SLC3A2: variants seen among roughly 807,000 people sequenced by gnomAD.
The protein encoded by SLC3A2 is solute carrier family 3 member 2.
Under a neutral mutation model 48.5 loss-of-function variants are expected in SLC3A2, and 32 were observed. The ratio of observed to expected loss-of-function variants is 0.66; its 90% CI spans 0.50 to 0.89. The LOEUF (loss-of-function observed/expected upper bound fraction) is 0.89. SLC3A2 is among the 40% of genes least tolerant of loss of function. SLC3A2 has a pLI of 0.00. For synonymous variants in SLC3A2, 277 were observed against 288.8 expected, an observed-to-expected ratio of 0.96 and a Z score of 0.41; for missense variants, 587 against 680.7, an observed-to-expected ratio of 0.86 and a Z score of 1.53.
Position 62,885,620 on chromosome 11 carries a change from T to A in SLC3A2, c.1143+12T>A. On this transcript the variant is annotated intron_variant, in intron 7 of 8. Coordinates refer to ENST00000338663, the MANE Select transcript of SLC3A2 (RefSeq NM_001013251.3). ...CCCTTCCTGGACAGGTACTGCTTGC[T>A]GTCTTTCTGTCACAGGGAGGTTGTT... The A allele has an allele frequency of 5.0e-6, 8 of 1,613,848 alleles. No homozygotes were observed. The highest frequency in any genetic ancestry group is 6.8e-6 in the Non-Finnish European group (8 of 1,179,806).
chr11:62,873,187 T>C (rs2085535039), intron 1 of SLC3A2, among the ~76,000 whole-genome samples: 1 of 151,858 alleles, frequency 6.6e-6, no homozygotes, highest in Non-Finnish European at 1.5e-5. Context: ...CACACTCAGC[T>C]AATTTAAAAA....
intron 7 of SLC3A2, among the ~76,000 whole-genome samples, chr11:62,887,019 C>T (rs1032866189): frequency 6.6e-6 from 1 of 151,950 alleles, no homozygotes; most frequent in Non-Finnish European, 1.5e-5. Flanking sequence ...ATTACAGGTG[C>T]GAGCCACTGC....
chr11:62,864,306 G>GT (rs2085429931), intron 1 of SLC3A2, among the ~76,000 whole-genome samples: 1 of 125,804 alleles, frequency 7.9e-6, no homozygotes, highest in African/African-American at 2.6e-5. Context: ...TTAAATACTT[G>GT]GTTTTTTTTT....
In SLC3A2 at chr11:62,882,076, C is replaced by T. The variant is rs777557197; in HGVS notation, c.598+10C>T. The T allele has an allele frequency of 2.5e-6, 4 of 1,613,980 alleles. No individual in the cohort carries two copies. The East Asian group carries it at 6.7e-5, about 27-fold the overall frequency. On this transcript the variant is annotated intron_variant, in intron 2 of 8. Coordinates refer to ENST00000338663, the MANE Select transcript of SLC3A2 (RefSeq NM_001013251.3). ...TCGGCTAAAAAAAAGAGTGGGTATCCTGGGGTTCCCAAGGAAACAGCTAGA... is the reference window on the plus strand; with the variant it reads ...TCGGCTAAAAAAAAGAGTGGGTATCTTGGGGTTCCCAAGGAAACAGCTAGA...
intron 1 of SLC3A2, among the ~76,000 whole-genome samples, chr11:62,860,936 G>A (rs954424551): frequency 6.6e-6 from 1 of 152,276 alleles, no homozygotes; most frequent in Admixed American, 6.5e-5. Flanking sequence ...ATGTTTCTGC[G>A]AGCACAGGGT....
chr11:62,873,412 C>G lies in SLC3A2; in HGVS notation c.113-7607C>G, dbSNP rs563047449. On this transcript the variant is annotated intron_variant, in intron 1 of 9. Transcript: ENST00000377889. ...GCTGAGGCAGGAGAATCACTTGAAC[C>G]TGGGAGGCAGAGGTTGCAGTGAGCC... Among the ~76,000 whole-genome samples the G allele has an allele frequency of 2.3e-4, 35 of 151,514 alleles. No individual in the cohort carries two copies. In the East Asian group the frequency reaches 6.9e-3, roughly 30 times the overall value.
In SLC3A2 at chr11:62,885,267, C is replaced by A; in HGVS notation, c.909C>A (p.Tyr303Ter). 1 of 1,614,196 alleles carries A rather than the reference C, an allele frequency of 6.2e-7. No individual in the cohort carries two copies. The highest frequency in any genetic ancestry group is 8.5e-7 in the Non-Finnish European group (1 of 1,180,028). ...SNKDLLLTSS[Y>*]LSDSGSTGEH... The stretch of plus-strand genomic sequence containing the variant: ...AAGACTTGCTGTTGACTAGCTCATA[C>A]CTGTCTGATTCTGGTTCTACTGGGG... The change falls in exon 6 of 9, where the codon TAC becomes TAA. Residue 303 changes from tyrosine (Y) to a stop codon, truncating the protein, a stop_gained. Transcript: ENST00000338663. LOFTEE classifies it high-confidence loss of function.
At chr11:62,868,586 T>G (rs920039120) in intron 1 of SLC3A2, among the ~76,000 whole-genome samples, 3 of 149,820 alleles carry the variant, frequency 2.0e-5, no homozygotes, top group African/African-American at 7.4e-5. Context: ...AGGATGGTGT[T>G]GATCTCCTCA....
chr11:62,881,909 C>G lies in SLC3A2; in HGVS notation c.441C>G (p.Leu147=), dbSNP rs2085645599. The change falls in exon 2 of 9, where the codon CTC becomes CTG. Residue 147 remains leucine (L), a synonymous_variant. Coordinates refer to ENST00000338663, the MANE Select transcript of SLC3A2 (RefSeq NM_001013251.3). This position sits in a 1 kb window ranked among gnomAD's most constrained non-coding sequence, Gnocchi z 4.0. ...AGNLAGLKGR[L]DYLSSLKVKG... ...CCATTTCAGGTCTGAAGGGGCGTCT[C>G]GATTACCTGAGCTCTCTGAAGGTGA... The G allele has an allele frequency of 6.2e-7, 1 of 1,614,056 alleles. No individual in the cohort carries two copies. Among genetic ancestry groups the G allele is most frequent in the East Asian group, 2.2e-5 (1 of 44,866 alleles).
At position 62,863,441 on chromosome 11, in the gene SLC3A2, C is replaced by A. The variant is rs138792038; in HGVS notation, c.112+7060C>A. Among the ~76,000 whole-genome samples, 80 of 152,206 alleles carry A rather than the reference C, an allele frequency of 5.3e-4. No homozygotes were observed. The East Asian group carries it at 0.015, about 28-fold the overall frequency. ...CTCACTATGGTGCCTAGGCGGGTCT[C>A]CAACTCCTGGGCTCAAGCGACCAAA... On this transcript the variant is annotated intron_variant, in intron 1 of 9. Coordinates refer to the SLC3A2 transcript ENST00000377889.
intron 1 of SLC3A2, among the ~76,000 whole-genome samples, chr11:62,864,791 CAG>C (rs1440528791): frequency 6.7e-6 from 1 of 150,138 alleles, no homozygotes; most frequent in Non-Finnish European, 1.5e-5. Flanking sequence ...TGTTTTGAGA[CAG>C]AGTCCCACTC....
At chr11:62,870,722 A>ATTTTTTTTTTTTTTTT (rs763638531) in intron 1 of SLC3A2, 1 of 156,240 alleles carries the variant, frequency 6.4e-6, no homozygotes. Context: ...TATTATTATT[A>ATTTTTTTTTTTTTTTT]TTATTTTTTT....
At chr11:62,857,466 G>T (rs1828774848) in intron 1 of SLC3A2, among the ~76,000 whole-genome samples, 1 of 152,040 alleles carries the variant, frequency 6.6e-6, no homozygotes, top group South Asian at 2.1e-4. Flanking sequence ...GATCTCTTGA[G>T]CCCAAGAGTT....
chr11:62,885,597 C>G lies in SLC3A2; in HGVS notation c.1132C>G (p.Leu378Val). 1 of 1,614,130 alleles carries G rather than the reference C, an allele frequency of 6.2e-7. No homozygotes were observed. The highest frequency in any genetic ancestry group is 8.5e-7 in the Non-Finnish European group (1 of 1,179,972). The stretch of plus-strand genomic sequence containing the variant: ...TGAGATTGGCCTGGATGCAGCTGCC[C>G]TTCCTGGACAGGTACTGCTTGCTGT... ...GDEIGLDAAA[L>V]PGQPMEAPVM... Residue 378 changes from leucine (L) to valine (V), a missense_variant, in exon 7 of 9, where the codon CTT (leucine) becomes GTT (valine). By Grantham distance (32) the Leu-to-Val change is conservative. This residue lies in a region of SLC3A2 where 169 missense variants were observed against 204.4 expected (regional missense o/e 0.83). Transcript: ENST00000338663.
At chr11:62,882,577 A>G in intron 2 of SLC3A2, 2 of 301,310 alleles carry the variant, frequency 6.6e-6, no homozygotes, top group Non-Finnish European at 1.3e-5. Context: ...CTCCTCCCCC[A>G]GGGTTCAAGC....
chr11:62,867,620 G>A (rs1334975857), intron 1 of SLC3A2, among the ~76,000 whole-genome samples: 2 of 151,896 alleles, frequency 1.3e-5, no homozygotes, highest in Non-Finnish European at 2.9e-5. Context: ...CACCGTGCCC[G>A]GCTGCTTCCC....
Position 62,888,620 on chromosome 11 carries a change from C to T in SLC3A2, c.1517C>T (p.Ser506Phe). ...ACCCAGCCAGGCCGTGAGGAGGGCT[C>T]CCCTCTTGAGCTGGAACGCCTGAAA... ...LSTQPGREEG[S>F]PLELERLKLE... Residue 506 changes from serine to phenylalanine, a missense_variant, in exon 9 of 9, where the codon TCC (serine) becomes TTC (phenylalanine). Ser to Phe is a radical substitution (Grantham distance 155). Coordinates refer to ENST00000338663, the MANE Select transcript of SLC3A2 (RefSeq NM_001013251.3). 1 of 1,610,156 alleles carries T rather than the reference C, an allele frequency of 6.2e-7. No individual in the cohort carries two copies. Among genetic ancestry groups the T allele is most frequent in the South Asian group, 1.1e-5 (1 of 91,084 alleles).
At chr11:62,862,755 T>C (rs1276003756) in intron 1 of SLC3A2, among the ~76,000 whole-genome samples, 2 of 152,220 alleles carry the variant, frequency 1.3e-5, no homozygotes, top group Non-Finnish European at 2.9e-5. Flanking sequence ...TTGACTGTCC[T>C]ACCTTACCAA....
At chr11:62,874,206 G>C (rs551045991) in intron 1 of SLC3A2, among the ~76,000 whole-genome samples, 4 of 151,820 alleles carry the variant, frequency 2.6e-5, no homozygotes, top group Non-Finnish European at 5.9e-5. Context: ...GCTGCTGTTG[G>C]AGGGCCTCAG....
Sources: allele counts gnomAD v4.1 joint callset (sites outside exome capture counted in the v4.1 genomes callset), GRCh38; gene constraint gnomAD v4.1.1; regional missense constraint gnomAD v4.1.1; non-coding constraint Gnocchi (gnomAD v3.1); transcripts MANE v1.5; gene names NCBI Gene and HGNC (gene_info 2026-07-23, HGNC 2026-07-21).